Variants in PMS2 observed in about 807,000 individuals in gnomAD.
The protein encoded by PMS2 is PMS1 homolog 2, mismatch repair system component.
Under a neutral mutation model 90.0 loss-of-function variants are expected in PMS2, and 69 were observed. The ratio of observed to expected loss-of-function variants is 0.77; its 90% CI spans 0.63 to 0.94. The LOEUF (loss-of-function observed/expected upper bound fraction) is 0.94, where lower values mean the gene tolerates loss of function less well. PMS2 is among the 40% of genes least tolerant of loss of function. The pLI, the probability that PMS2 is intolerant of heterozygous loss-of-function variation, is 0.00. For synonymous variants in PMS2, 332 were observed against 375.1 expected, an observed-to-expected ratio of 0.89 and a Z score of 1.33; for missense variants, 966 against 1,040.2, an observed-to-expected ratio of 0.93 and a Z score of 0.98.
At chr7:5,979,053 A>C (rs1782034604) in intron 12 of PMS2, among the ~76,000 whole-genome samples, 1 of 148,104 alleles carries the variant, frequency 6.8e-6, no homozygotes, top group African/African-American at 2.6e-5. Flanking sequence ...AAATTAGGCC[A>C]GGCATGGTGG....
intron 8 of PMS2, among the ~76,000 whole-genome samples, chr7:5,993,644 C>T (rs1364979559): frequency 1.3e-5 from 2 of 150,878 alleles, no homozygotes; most frequent in Non-Finnish European, 1.5e-5. Flanking sequence ...GGGTGGATCA[C>T]GAGGTCAGGA....
chr7:6,000,033 G>T (rs1386916643), intron 5 of PMS2, among the ~76,000 whole-genome samples: 2 of 151,980 alleles, frequency 1.3e-5, no homozygotes, highest in African/African-American at 4.8e-5. Context: ...CAACAAATAA[G>T]GCAGTGTGCA....
chr7:5,982,280 G>A (rs1273142827), intron 12 of PMS2, among the ~76,000 whole-genome samples: 1 of 151,874 alleles, frequency 6.6e-6, no homozygotes, highest in Non-Finnish European at 1.5e-5. Context: ...AACTCGGCTC[G>A]CTGCAAACTC....
In PMS2 at chr7:5,976,116, G is replaced by A. The variant is rs574335274; in HGVS notation, c.2445+1472C>T. Among the ~76,000 whole-genome samples the A allele has an allele frequency of 2.2e-4, 32 of 142,492 alleles. 1 individual carries two copies. In the East Asian group the frequency reaches 3.1e-3, roughly 14 times the overall value. The allele number at this position is 142,492 out of a possible 152,430, so 93.5% of individuals were successfully genotyped here. A position where few individuals can be genotyped will look rare whatever the true frequency, so the allele number is the denominator to read the frequency against. On this transcript the variant is annotated intron_variant, in intron 14 of 14. Transcript: ENST00000265849. ...TAGCCAGGTGTGGTGGGTGCCTGTA[G>A]TCCCAGCTACTTGGGAGGCTGAGGC... is the stretch of plus-strand genomic sequence containing the variant.
chr7:5,987,644 A>C lies in PMS2; in HGVS notation c.1145-24T>G, dbSNP rs1279839985. 1 of 1,493,586 alleles carries C rather than the reference A, an allele frequency of 6.7e-7. No homozygotes were observed. Among genetic ancestry groups the C allele is most frequent in the Admixed American group, 1.7e-5 (1 of 59,738 alleles). 92.5% of individuals were successfully genotyped at this position (1,493,586 alleles called of 1,614,324 possible). A position where few individuals can be genotyped will look rare whatever the true frequency, so the allele number is the denominator to read the frequency against. On this transcript the variant is annotated intron_variant, in intron 10 of 14. Coordinates refer to ENST00000265849, the MANE Select transcript of PMS2 (RefSeq NM_000535.7). ...ACCTAAGCAAACGTGGACGGAGAAG[A>C]GGGTCAGGGACTATCCTGAAATGGT...
In PMS2 at chr7:5,997,374, C is replaced by T. The variant is rs775445157; in HGVS notation, c.755G>A (p.Cys252Tyr). ...FVQLPPSDSV[C>Y]EEYGLSCSDA... ...GGAACAGCTCAAACCGTACTCTTCACACACGGAGTCACTAGGGGGCAGCTG... is the reference window on the plus strand; with the variant it reads ...GGAACAGCTCAAACCGTACTCTTCATACACGGAGTCACTAGGGGGCAGCTG... Residue 252 changes from cysteine (C) to tyrosine (Y), a missense_variant, in exon 7 of 15, where the codon TGT becomes TAT. By Grantham distance (194) the Cys-to-Tyr change is radical. Coordinates refer to ENST00000265849, the MANE Select transcript of PMS2 (RefSeq NM_000535.7). 56 of 1,606,212 alleles carry T rather than the reference C, an allele frequency of 3.5e-5. No homozygotes were observed. In the South Asian group the frequency reaches 5.5e-4, roughly 16 times the overall value.
intron 2 of PMS2, among the ~76,000 whole-genome samples, chr7:6,005,497 C>T (rs1471535325): frequency 1.3e-5 from 2 of 152,194 alleles, no homozygotes; most frequent in African/African-American, 2.4e-5. Flanking sequence ...AGCCACTATG[C>T]CTGGCCTACT....
At chr7:5,983,188 C>T (rs986771171) in intron 11 of PMS2, among the ~76,000 whole-genome samples, 197 bp from the exon 12 acceptor site, 25 of 151,714 alleles carry the variant, frequency 1.6e-4, no homozygotes. Context: ...TCTTGGCTCA[C>T]TGCAACCTCC....
intron 13 of PMS2, 89 bp from the exon 14 acceptor site, chr7:5,977,846 G>A (rs557512410): frequency 1.2e-4 from 191 of 1,557,084 alleles, no homozygotes; most frequent in Middle Eastern, 5.3e-4. Context: ...GAGGCCGGGC[G>A]TGGTGGCTCA....
intron 2 of PMS2, chr7:6,004,384 C>G (rs1197481006): frequency 8.8e-6 from 2 of 227,178 alleles, no homozygotes; most frequent in Non-Finnish European, 1.7e-5. Context: ...CTTTGACCAT[C>G]CTTTTCTTTT....
chr7:6,008,023 T>A (rs1786050915), intron 1 of PMS2, among the ~76,000 whole-genome samples: 1 of 151,874 alleles, frequency 6.6e-6, no homozygotes, highest in South Asian at 2.1e-4. Context: ...TCATGCCCAG[T>A]TAATTTTTGT....
chr7:5,997,608 A>T (rs536240690), intron 6 of PMS2, among the ~76,000 whole-genome samples, 185 bp from the exon 7 acceptor site: 15 of 152,234 alleles, frequency 9.9e-5, no homozygotes, highest in Admixed American at 2.0e-4. Context: ...ACAATGGCTC[A>T]ATCATACCTC....
rs1442972494 is a variant in PMS2 at position 6,003,847 on chromosome 7, A to G, written c.251-55T>C. ...ATATCTCAAGTGCTATAACAACAAAATATACATGATATCTAGTAACTGGCT... is the reference window on the plus strand; with the variant it reads ...ATATCTCAAGTGCTATAACAACAAAGTATACATGATATCTAGTAACTGGCT... On this transcript the variant is annotated intron_variant, in intron 3 of 14. Transcript: ENST00000265849. 2.3e-6 allele frequency: 3 copies of G among 1,279,474 alleles called. No individual in the cohort carries two copies. In the African/African-American group the frequency reaches 4.4e-5, roughly 19 times the overall value. The allele number at this position is 1,279,474 out of a possible 1,614,324, so 79.3% of individuals were successfully genotyped here. A position where few individuals can be genotyped will look rare whatever the true frequency, so the allele number is the denominator to read the frequency against.
intron 1 of PMS2, among the ~76,000 whole-genome samples, chr7:6,008,713 G>A (rs1340969528): frequency 6.6e-6 from 1 of 151,914 alleles, no homozygotes; most frequent in Non-Finnish European, 1.5e-5. Flanking sequence ...GCCCTGTGAT[G>A]GGATGTGGGC....
intron 8 of PMS2, among the ~76,000 whole-genome samples, chr7:5,992,819 C>T (rs954127646): frequency 8.5e-5 from 13 of 152,162 alleles, no homozygotes; most frequent in Admixed American, 3.9e-4. Flanking sequence ...ATCATAGATT[C>T]CTAAAACTGA....
intron 1 of PMS2, 121 bp downstream of exon 1, chr7:6,008,876 A>AG: frequency 7.9e-7 from 1 of 1,268,290 alleles, no homozygotes. Flanking sequence ...CGGGGCCTCC[A>AG]GGGGGCTGCC....
At chr7:6,001,213 C>T (rs996785031) in intron 5 of PMS2, among the ~76,000 whole-genome samples, 10 of 152,110 alleles carry the variant, frequency 6.6e-5, no homozygotes, top group Non-Finnish European at 1.5e-4. Flanking sequence ...CACATTTAGG[C>T]TTGTTGTTTT....
intron 6 of PMS2, among the ~76,000 whole-genome samples, chr7:5,998,617 G>A (rs1232128882): frequency 2.0e-5 from 3 of 150,906 alleles, no homozygotes; most frequent in South Asian, 2.1e-4. Context: ...TTGCTTCAAC[G>A]CGGGAGGCAG....
chr7:5,977,006 G>C (rs912707738), intron 14 of PMS2, among the ~76,000 whole-genome samples: 1 of 118,430 alleles, frequency 8.4e-6, no homozygotes, highest in Non-Finnish European at 1.9e-5. Context: ...ACTCCAGCCT[G>C]GGGGACAGAG....
Sources: allele counts gnomAD v4.1 joint callset (sites outside exome capture counted in the v4.1 genomes callset), GRCh38; gene constraint gnomAD v4.1.1; transcripts MANE v1.5; gene names NCBI Gene and HGNC (gene_info 2026-07-23, HGNC 2026-07-21).